Variants in HDAC4 observed in about 807,000 individuals in gnomAD.
The protein encoded by HDAC4 is histone deacetylase 4, also known as histone deacetylase A.
A neutral mutation model predicts 135.1 loss-of-function variants in HDAC4; 16 were observed. The ratio of observed to expected loss-of-function variants is 0.12; its 90% CI spans 0.08 to 0.18. HDAC4 has a LOEUF of 0.18. Among genes scored for constraint, HDAC4 ranks in the 10% least tolerant of loss-of-function variants. HDAC4 has a pLI of 1.00. For synonymous variants in HDAC4, 685 were observed against 653.4 expected (o/e 1.05, Z -0.74); for missense variants, 1,143 against 1,511.8 (o/e 0.76, Z 4.05).
chr2:239,346,181 CACCCTGTCTAAAACACACAT>C (rs543750239), intron 2 of HDAC4, among the ~76,000 whole-genome samples: 6,383 of 151,318 alleles, frequency 0.042, 167 homozygotes, highest in African/African-American at 0.054. Flanking sequence ...AAAACACACA[CACCCTGTCTAAAACACACAT>C]ACATACCTTA....
Position 239,134,448 on chromosome 2 carries a change from A to C in HDAC4, c.1096-5T>G. On this transcript the variant is annotated splice_polypyrimidine_tract_variant and splice_region_variant and intron_variant, in intron 10 of 26. Coordinates refer to ENST00000543185, the MANE Select transcript of HDAC4 (RefSeq NM_001378414.1). The stretch of plus-strand genomic sequence containing the variant: ...GTCCTGCTGGCCCGCCGTGCCCTGG[A>C]AAGCACAGCCAGGATGCTCGGGTGG... 1 of 1,613,736 alleles carries C rather than the reference A, an allele frequency of 6.2e-7. No homozygotes were observed. Among genetic ancestry groups the C allele is most frequent in the Non-Finnish European group, 8.5e-7 (1 of 1,179,898 alleles).
At chr2:239,107,428 G>A (rs2038253476) in intron 15 of HDAC4, among the ~76,000 whole-genome samples, 2 of 152,196 alleles carry the variant, frequency 1.3e-5, no homozygotes, top group South Asian at 2.1e-4. Flanking sequence ...CATCCCCGAA[G>A]CCTCCTCGTG....
At chr2:239,216,366 T>C (rs961937021) in intron 3 of HDAC4, among the ~76,000 whole-genome samples, 1 of 151,186 alleles carries the variant, frequency 6.6e-6, no homozygotes, top group African/African-American at 2.4e-5. Context: ...CACTAAGAGC[T>C]GATGTTCTCA....
intron 2 of HDAC4, among the ~76,000 whole-genome samples, chr2:239,334,348 C>T (rs1312293915): frequency 1.3e-5 from 2 of 151,814 alleles, no homozygotes; most frequent in Non-Finnish European, 2.9e-5. Context: ...GGTGACGCCC[C>T]GTCTCTACAA....
At chr2:239,140,428 C>G (rs909859304) in intron 8 of HDAC4, among the ~76,000 whole-genome samples, 1 of 152,180 alleles carries the variant, frequency 6.6e-6, no homozygotes, top group Non-Finnish European at 1.5e-5. Flanking sequence ...GGGGCCACGT[C>G]CAATCCAAAG....
At position 239,367,348 on chromosome 2, in the gene HDAC4, G is replaced by A. The variant is rs191945955; in HGVS notation, c.-219-14430C>T. 2.0e-5 allele frequency among the ~76,000 whole-genome samples: 3 copies of A among 152,254 alleles called. No individual in the cohort carries two copies. In the East Asian group the frequency reaches 5.8e-4, roughly 29 times the overall value. On this transcript the variant is annotated intron_variant, in intron 1 of 26. Coordinates refer to ENST00000543185, the MANE Select transcript of HDAC4 (RefSeq NM_001378414.1). ...AAAATGATGCCTCTCTTCTCACGAC[G>A]CTTTGTGTTTTACCGAACGGTTATT...
At chr2:239,384,758 C>A (rs1209017744) in intron 1 of HDAC4, among the ~76,000 whole-genome samples, 2 of 152,230 alleles carry the variant, frequency 1.3e-5, no homozygotes, top group Non-Finnish European at 2.9e-5. Flanking sequence ...ACGGCTCTGT[C>A]CCCTGCTTCT....
chr2:239,375,828 G>T (rs758072197), intron 1 of HDAC4, among the ~76,000 whole-genome samples: 1 of 152,198 alleles, frequency 6.6e-6, no homozygotes, highest in Non-Finnish European at 1.5e-5. Context: ...GAGTGCCCCC[G>T]ACTGCAGGCA....
At chr2:239,327,638 AGACTTGGCCCGG>A (rs1483305866) in intron 2 of HDAC4, among the ~76,000 whole-genome samples, 2 of 152,254 alleles carry the variant, frequency 1.3e-5, no homozygotes, top group East Asian at 3.8e-4. Flanking sequence ...CAGCCAGCCC[AGACTTGGCCCGG>A]GACTGCCCTT....
intron 1 of HDAC4, among the ~76,000 whole-genome samples, chr2:239,385,997 C>T (rs1407233821): frequency 6.6e-6 from 1 of 152,162 alleles, no homozygotes; most frequent in Non-Finnish European, 1.5e-5. Flanking sequence ...TGTGGCCAGA[C>T]CCAAGGATGA....
chr2:239,323,665 C>T (rs966509114), intron 2 of HDAC4, among the ~76,000 whole-genome samples: 2 of 152,028 alleles, frequency 1.3e-5, no homozygotes, highest in African/African-American at 2.4e-5. Flanking sequence ...TGCTTCTTCA[C>T]GTGTGGACAT....
chr2:239,168,605 T>C (rs751936230), intron 5 of HDAC4, among the ~76,000 whole-genome samples: 25 of 152,164 alleles, frequency 1.6e-4, no homozygotes, highest in Non-Finnish European at 1.8e-4. Flanking sequence ...TGCACCGTGT[T>C]TTCAAATGCT....
rs560470695 is a variant in HDAC4, at chr2:239,090,114, C to T, written c.2283G>A (p.Val761=). 2.0e-5 allele frequency: 33 copies of T among 1,611,008 alleles called. No individual in the cohort carries two copies. The South Asian group carries it at 2.7e-4, about 13-fold the overall frequency. The change falls in exon 18 of 27, where the codon GTG becomes GTA. Residue 761 remains valine (V), a splice_region_variant and synonymous_variant. Transcript: ENST00000543185. ...FVRLPCGGVG[V]DSDTIWNEVH... is the part of the protein sequence containing the mutation. ...CCTCGTTCCATATGGTGTCACTGTC[C>T]ACCTGTGGAAACAACACCCCACAGT...
chr2:239,185,909 T>C (rs545515126), intron 4 of HDAC4, among the ~76,000 whole-genome samples: 105 of 152,156 alleles, frequency 6.9e-4, no homozygotes, highest in African/African-American at 2.3e-3. Flanking sequence ...TGGTGCATGC[T>C]GGTAATCCCA....
chr2:239,055,259 A>AG lies in HDAC4; in HGVS notation c.3004-427dup, dbSNP rs1348804039. 1.1e-5 allele frequency: 3 copies of AG among 268,606 alleles called. No homozygotes were observed. In the Admixed American group the frequency reaches 1.5e-4, roughly 14 times the overall value. The allele number at this position is 268,606 out of a possible 1,614,324, so 16.6% of individuals were successfully genotyped here. ...CTTGGTTTTCTTCCAGGGCAGCGGA[A>AG]GGTGGGGTCGGGGGAGATGAAATGG... On this transcript the variant is annotated intron_variant, in intron 24 of 26. Coordinates refer to ENST00000543185, the MANE Select transcript of HDAC4 (RefSeq NM_001378414.1).
At chr2:239,381,872 A>T (rs1695440635) in intron 1 of HDAC4, among the ~76,000 whole-genome samples, 1 of 152,144 alleles carries the variant, frequency 6.6e-6, no homozygotes, top group Non-Finnish European at 1.5e-5. Context: ...TAGGCGAGAG[A>T]TCCCCTAAAA....
intron 2 of HDAC4, among the ~76,000 whole-genome samples, chr2:239,335,564 T>C (rs1295589381): frequency 2.6e-5 from 2 of 77,966 alleles, no homozygotes; most frequent in Non-Finnish European, 5.7e-5. Flanking sequence ...AGCACACACA[T>C]AGAAAATAGC....
At chr2:239,221,593 A>G (rs1272799133) in intron 3 of HDAC4, among the ~76,000 whole-genome samples, 1 of 150,890 alleles carries the variant, frequency 6.6e-6, no homozygotes, top group East Asian at 2.0e-4. Flanking sequence ...TGCGCCTCAA[A>G]GTGCGCTGAG....
intron 2 of HDAC4, among the ~76,000 whole-genome samples, chr2:239,325,736 G>A (rs1441100321): frequency 2.0e-5 from 3 of 151,946 alleles, no homozygotes; most frequent in Admixed American, 1.3e-4. Flanking sequence ...AGGCCGAGAC[G>A]GGTGGATCAC....
Sources: gnomAD v4.1 joint callset for allele counts (sites outside exome capture counted in the v4.1 genomes callset) on GRCh38, gnomAD v4.1.1 for gene constraint, MANE v1.5 for transcripts, NCBI Gene and HGNC (gene_info 2026-07-23, HGNC 2026-07-21) for gene names.